Variants in ECPAS observed in about 807,000 individuals in gnomAD.
The protein encoded by ECPAS is Ecm29 proteasome adaptor and scaffold.
Under a neutral mutation model 255.1 loss-of-function variants are expected in ECPAS, and 70 were observed. The observed-to-expected ratio is 0.27, with a 90% CI of 0.23 to 0.33. ECPAS has a LOEUF of 0.33. Among genes scored for constraint, ECPAS ranks in the 10% least tolerant of loss-of-function variants. The probability of loss-of-function intolerance (pLI) is 1.00; values close to 1 mark genes in which losing one functional copy is unlikely to be tolerated. For missense variants in ECPAS, 1,817 were observed against 2,206.4 expected, an observed-to-expected ratio of 0.82 and a Z score of 3.54; for synonymous variants, 784 against 775.0, an observed-to-expected ratio of 1.01 and a Z score of -0.19.
intron 2 of ECPAS, among the ~76,000 whole-genome samples, chr9:111,466,616 T>TACACACACACACACACACACAC (rs55763374): frequency 7.0e-6 from 1 of 143,382 alleles, no homozygotes; most frequent in Non-Finnish European, 1.5e-5. Context: ...AATAACTAAA[T>TACACACACACACACACACACAC]ACACACACAC....
intron 2 of ECPAS, among the ~76,000 whole-genome samples, chr9:111,466,614 A>AAC (rs2098279894): frequency 9.4e-6 from 1 of 106,448 alleles, no homozygotes; most frequent in Non-Finnish European, 1.8e-5. Flanking sequence ...TAAATAACTA[A>AAC]ATACACACAC....
chr9:111,373,672 A>T (rs779409336), intron 39 of ECPAS, among the ~76,000 whole-genome samples: 39 of 152,236 alleles, frequency 2.6e-4, no homozygotes, highest in Non-Finnish European at 4.4e-4. Context: ...CAATCTAAGA[A>T]GAGAAAAATG....
intron 4 of ECPAS, among the ~76,000 whole-genome samples, chr9:111,442,800 G>A (rs932420410): frequency 3.9e-5 from 6 of 152,162 alleles, no homozygotes; most frequent in Non-Finnish European, 8.8e-5. Context: ...AGGAGATCAG[G>A]TGTTGACAAA....
At chr9:111,373,027 A>C (rs1297579777) in intron 41 of ECPAS, 143 bp downstream of exon 41, 1 of 754,564 alleles carries the variant, frequency 1.3e-6, no homozygotes, top group Non-Finnish European at 2.2e-6. Flanking sequence ...GCCAGACACC[A>C]TCTCAAAAAA....
At chr9:111,400,756 G>T (rs2184013) in intron 24 of ECPAS, among the ~76,000 whole-genome samples, 1 of 152,078 alleles carries the variant, frequency 6.6e-6, no homozygotes, top group Non-Finnish European at 1.5e-5. Flanking sequence ...AGAAGAATGA[G>T]ATACACTTAC....
intron 3 of ECPAS, among the ~76,000 whole-genome samples, chr9:111,444,853 G>C (rs780204305): frequency 1.6e-4 from 25 of 152,182 alleles, no homozygotes; most frequent in Non-Finnish European, 3.4e-4. Flanking sequence ...TGGGATTACA[G>C]GCGCGTGCCA....
chr9:111,400,605 A>G (rs548374469), intron 24 of ECPAS, among the ~76,000 whole-genome samples: 3 of 152,334 alleles, frequency 2.0e-5, no homozygotes, highest in African/African-American at 4.8e-5. Flanking sequence ...GAAAAAAATC[A>G]AATCTTAGAG....
At chr9:111,391,616 T>C (rs752238819) in intron 29 of ECPAS, 140 bp downstream of exon 29, 21 of 590,528 alleles carry the variant, frequency 3.6e-5, no homozygotes, top group Non-Finnish European at 5.6e-5. Flanking sequence ...CTTTTTTCCA[T>C]GTAAGTTTTC....
intron 34 of ECPAS, 37 bp from the exon 35 acceptor site, chr9:111,383,369 C>A (rs963658041): frequency 3.8e-6 from 6 of 1,578,540 alleles, no homozygotes; most frequent in Admixed American, 1.8e-5. Flanking sequence ...GTGAAAGTGA[C>A]CGCGCATCCA....
chr9:111,400,388 T>G (rs985204154), intron 24 of ECPAS, among the ~76,000 whole-genome samples: 11 of 152,296 alleles, frequency 7.2e-5, no homozygotes, highest in Non-Finnish European at 1.5e-4. Context: ...TCGAGGACAT[T>G]TGAGAAAACA....
intron 3 of ECPAS, among the ~76,000 whole-genome samples, chr9:111,444,903 C>T (rs1017386133): frequency 3.2e-4 from 49 of 151,514 alleles, no homozygotes; most frequent in Non-Finnish European, 6.2e-4. Flanking sequence ...ACCATGTTGG[C>T]CAGGCTGGTC....
chr9:111,459,978 TC>T (rs1218716470), intron 2 of ECPAS, among the ~76,000 whole-genome samples: 2 of 151,772 alleles, frequency 1.3e-5, no homozygotes, highest in Admixed American at 1.3e-4. Flanking sequence ...AACAAGGGTA[TC>T]CCCAGAAAGA....
chr9:111,437,321 G>T (rs1171992993), intron 6 of ECPAS, among the ~76,000 whole-genome samples: 1 of 152,068 alleles, frequency 6.6e-6, no homozygotes, highest in Non-Finnish European at 1.5e-5. Context: ...CATTTAACTT[G>T]GTTACAAATG....
intron 25 of ECPAS, among the ~76,000 whole-genome samples, chr9:111,396,032 T>G (rs988245822): frequency 6.6e-6 from 1 of 152,162 alleles, no homozygotes; most frequent in Non-Finnish European, 1.5e-5. Flanking sequence ...TACCGTGGAG[T>G]TAAATGTTAA....
intron 2 of ECPAS, among the ~76,000 whole-genome samples, chr9:111,457,503 G>A (rs1047110435): frequency 9.9e-5 from 15 of 152,162 alleles, no homozygotes; most frequent in Non-Finnish European, 1.9e-4. Flanking sequence ...TAACAGGAGG[G>A]AAACAGGAAG....
At chr9:111,412,467 T>A in intron 20 of ECPAS, among the ~76,000 whole-genome samples, 1 of 152,222 alleles carries the variant, frequency 6.6e-6, no homozygotes, top group East Asian at 1.9e-4. Context: ...ACTCTGCCAC[T>A]GCAGTACAAA....
chr9:111,483,911 C>T, intron 1 of ECPAS: 17 of 673,086 alleles, frequency 2.5e-5, no homozygotes, highest in Non-Finnish European at 2.9e-5. Context: ...GCTGAGCCAT[C>T]CTCCCAGCGG....
chr9:111,414,311 G>A (rs955956880), intron 19 of ECPAS, 118 bp downstream of exon 19: 2 of 859,588 alleles, frequency 2.3e-6, no homozygotes, highest in Non-Finnish European at 3.6e-6. Flanking sequence ...AAGAAACAAA[G>A]GCTAATGTTC....
intron 10 of ECPAS, 106 bp downstream of exon 10, chr9:111,427,936 T>C: frequency 2.2e-6 from 2 of 909,480 alleles, no homozygotes; most frequent in Non-Finnish European, 3.1e-6. Flanking sequence ...AATCTTGTTA[T>C]ATACATCAAC....
Sources: allele counts gnomAD v4.1 joint callset (sites outside exome capture counted in the v4.1 genomes callset), GRCh38; gene constraint gnomAD v4.1.1; transcripts MANE v1.5; gene names NCBI Gene and HGNC (gene_info 2026-07-23, HGNC 2026-07-21).